LYPD1: variants seen among roughly 807,000 people sequenced by gnomAD.
LYPD1 encodes the protein ly6/PLAUR domain-containing protein 1.
Under a neutral mutation model 14.2 loss-of-function variants are expected in LYPD1, and 14 were observed. The ratio of observed to expected loss-of-function variants is 0.99; its 90% confidence interval spans 0.65 to 1.54. The LOEUF is 1.54. LYPD1 is among the 40% of genes most tolerant of loss of function. LYPD1 has a pLI of 0.00. For synonymous variants in LYPD1, 85 were observed against 70.6 expected, an observed-to-expected ratio of 1.20 and a Z score of -1.02; for missense variants, 165 against 175.7, an observed-to-expected ratio of 0.94 and a Z score of 0.34.
intron 2 of LYPD1, among the ~76,000 whole-genome samples, chr2:132,664,175 G>A (rs888003560): frequency 3.3e-5 from 5 of 151,996 alleles, no homozygotes; most frequent in African/African-American, 1.2e-4. Context: ...GCAGCACTGG[G>A]CCTCATTCCT....
intron 2 of LYPD1, among the ~76,000 whole-genome samples, chr2:132,667,598 G>T (rs376599006): frequency 9.2e-5 from 14 of 152,162 alleles, no homozygotes; most frequent in African/African-American, 3.4e-4. Context: ...CCTTAAAATG[G>T]CAAGGTCTGT....
At position 132,645,426 on chromosome 2, in the gene LYPD1, C is replaced by T. The variant is rs1353096747; in HGVS notation, c.*619G>A. 15 of 1,613,418 alleles carry T rather than the reference C, an allele frequency of 9.3e-6. No homozygotes were observed. The highest frequency in any genetic ancestry group is 1.2e-5 in the Non-Finnish European group (14 of 1,180,042). On this transcript the variant is annotated 3_prime_UTR_variant, in exon 3 of 3. Transcript: ENST00000397463. ...GCTTTGTGCAGCGCCCGTTGCTCTT[C>T]GCGTCCCGGCGCCAGTCCTCTGCAA...
intron 2 of LYPD1, among the ~76,000 whole-genome samples, chr2:132,647,455 G>C (rs1682159741): frequency 6.6e-6 from 1 of 152,180 alleles, no homozygotes; most frequent in Non-Finnish European, 1.5e-5. Context: ...TTTTGAGACG[G>C]AGTCTTGCTC....
chr2:132,663,835 C>T (rs1224119200), intron 2 of LYPD1, among the ~76,000 whole-genome samples: 1 of 152,030 alleles, frequency 6.6e-6, no homozygotes, highest in Admixed American at 6.6e-5. Flanking sequence ...CTACTTCTAA[C>T]AAAGTTGTTC....
At chr2:132,664,789 A>G (rs375919470) in intron 2 of LYPD1, among the ~76,000 whole-genome samples, 24 of 152,382 alleles carry the variant, frequency 1.6e-4, no homozygotes, top group African/African-American at 5.3e-4. Flanking sequence ...AAACAAATGC[A>G]AATTCACATT....
intron 2 of LYPD1, among the ~76,000 whole-genome samples, chr2:132,653,139 A>G (rs749943197): frequency 6.6e-6 from 1 of 152,220 alleles, no homozygotes; most frequent in Non-Finnish European, 1.5e-5. Flanking sequence ...GCTCATGTCC[A>G]TATTTCATTC....
chr2:132,668,675 C>T, intron 1 of LYPD1, 138 bp from the exon 2 acceptor site: 2 of 1,248,120 alleles, frequency 1.6e-6, no homozygotes, highest in Non-Finnish European at 2.1e-6. Flanking sequence ...CCGGGTAGGG[C>T]TGGATGTGGC....
At chr2:132,654,591 C>T (rs1209745170) in intron 2 of LYPD1, among the ~76,000 whole-genome samples, 2 of 152,016 alleles carry the variant, frequency 1.3e-5, no homozygotes, top group East Asian at 3.9e-4. Flanking sequence ...TTAACTCTTG[C>T]CTCAAAGGGC....
rs1573770836 is a variant in LYPD1, at chr2:132,670,154, G to T, written c.-222C>A. Reference sequence around the variant, plus strand: ...CTGCGGGTCTCTGCTCCTCCCGCTCGCGCTCCCGGGCCGAGCACCGCGCCT... The same window carrying T: ...CTGCGGGTCTCTGCTCCTCCCGCTCTCGCTCCCGGGCCGAGCACCGCGCCT... On this transcript the variant is annotated 5_prime_UTR_variant, in exon 1 of 3. Transcript: ENST00000397463. The surrounding 1 kb of genome is among the most constrained non-coding windows in gnomAD (Gnocchi z 4.5). The T allele has an allele frequency of 2.2e-6, 3 of 1,357,854 alleles. No homozygotes were observed. The South Asian group carries it at 5.0e-5, about 23-fold the overall frequency. The allele number at this position is 1,357,854 out of a possible 1,614,324, so 84.1% of individuals were successfully genotyped here. A position where few individuals can be genotyped will look rare whatever the true frequency, so the allele number is the denominator to read the frequency against.
intron 2 of LYPD1, chr2:132,663,250 T>G (rs1049523211): frequency 1.3e-5 from 2 of 152,196 alleles, no homozygotes; most frequent in African/African-American, 4.8e-5. Flanking sequence ...TTTTTTGATA[T>G]CCAAATATGT....
intron 2 of LYPD1, among the ~76,000 whole-genome samples, chr2:132,657,621 A>C (rs1413676122): frequency 6.6e-6 from 1 of 152,224 alleles, no homozygotes; most frequent in African/African-American, 2.4e-5. Flanking sequence ...CACCATGAAC[A>C]TGATGTCCTC....
In LYPD1 at chr2:132,645,374, A is replaced by C. The variant is rs373819702; in HGVS notation, c.*671T>G. On this transcript the variant is annotated 3_prime_UTR_variant, in exon 3 of 3. Coordinates refer to ENST00000397463, the MANE Select transcript of LYPD1 (RefSeq NM_144586.7). ...AACCACGAGAAGCGCCTGCGCGTAC[A>C]TGCGCACTCCACCACCGACAGCGCC... 3.7e-6 allele frequency: 6 copies of C among 1,613,774 alleles called. No individual in the cohort carries two copies. Among genetic ancestry groups the C allele is most frequent in the East Asian group, 2.2e-5 (1 of 44,886 alleles).
rs373908560 is a variant in LYPD1, at chr2:132,649,880, AT to A, written c.191-3601del. ...AAACGACACTTTGGAACCTTGGGAG[AT>A]TTTTTTTTTATGTAAGAGTTGTAAA... On this transcript the variant is annotated intron_variant, in intron 2 of 2. Transcript: ENST00000397463. 6.9e-3 allele frequency among the ~76,000 whole-genome samples: 1,040 copies of A among 150,360 alleles called. 13 individuals are homozygous for A. The highest frequency in any genetic ancestry group is 0.024 in the African/African-American group (966 of 41,020).
chr2:132,653,667 A>G (rs934332990), intron 2 of LYPD1, among the ~76,000 whole-genome samples: 2 of 152,226 alleles, frequency 1.3e-5, no homozygotes, highest in African/African-American at 2.4e-5. Flanking sequence ...GTTATTTATT[A>G]ATTACAATGG....
At chr2:132,660,345 C>T (rs182320935) in intron 2 of LYPD1, among the ~76,000 whole-genome samples, 147 of 152,322 alleles carry the variant, frequency 9.7e-4, no homozygotes, top group Non-Finnish European at 1.6e-3. Flanking sequence ...CAATTTATTA[C>T]GAACTCTCTA....
intron 2 of LYPD1, among the ~76,000 whole-genome samples, chr2:132,667,296 G>A (rs576019595): frequency 9.9e-5 from 15 of 152,066 alleles, no homozygotes; most frequent in South Asian, 4.2e-4. Flanking sequence ...CCTTACAACT[G>A]CACACACACC....
At chr2:132,670,298 G>A (rs111860298), upstream of LYPD1, 1,586 of 318,776 alleles carry the variant, frequency 5.0e-3, 23 homozygotes, top group African/African-American at 0.032. This position sits in a 1 kb window ranked among gnomAD's most constrained non-coding sequence, Gnocchi z 4.5. Flanking sequence ...AGTTGGGGTG[G>A]GGGTGGCGGG....
chr2:132,648,704 A>G (rs2104897322), intron 2 of LYPD1, among the ~76,000 whole-genome samples: 1 of 152,316 alleles, frequency 6.6e-6, no homozygotes, highest in African/African-American at 2.4e-5. Context: ...TATCTTCATA[A>G]GGAAAGTTGG....
intron 2 of LYPD1, among the ~76,000 whole-genome samples, chr2:132,659,783 T>TC (rs1399783534): frequency 2.6e-5 from 4 of 152,186 alleles, no homozygotes; most frequent in African/African-American, 9.7e-5. Flanking sequence ...CCCTTTGCAC[T>TC]CCCACTTTGG....
Sources: allele counts gnomAD v4.1 joint callset (sites outside exome capture counted in the v4.1 genomes callset), GRCh38; gene constraint gnomAD v4.1.1; non-coding constraint Gnocchi (gnomAD v3.1); transcripts MANE v1.5; gene names NCBI Gene and HGNC (gene_info 2026-07-23, HGNC 2026-07-21).